Variants in ZBTB20 observed in about 807,000 individuals in gnomAD.
ZBTB20 encodes zinc finger and BTB domain containing 20.
Under a neutral mutation model 56.9 loss-of-function variants are expected in ZBTB20, and 9 were observed. The observed-to-expected ratio is 0.16, with a 90% CI of 0.10 to 0.28. The LOEUF (loss-of-function observed/expected upper bound fraction) is 0.28. ZBTB20 is among the 10% of genes least tolerant of loss of function. The pLI, the probability that ZBTB20 is intolerant of heterozygous loss-of-function variation, is 1.00. For synonymous variants in ZBTB20, 417 were observed against 420.7 expected (o/e 0.99, Z 0.11); for missense variants, 655 against 1,003.0 (o/e 0.65, Z 4.69).
At position 114,693,551 on chromosome 3, in the gene ZBTB20, A is replaced by ATC. The variant is rs1482897107; in HGVS notation, c.-320_-319dup. ...ACCAGACAGCAATGTCATGAGGAAT[A>ATC]TCCTGTTAGTAATGATGAAACATTC... On this transcript the variant is annotated 5_prime_UTR_variant, in exon 6 of 12. Transcript: ENST00000675478. The ATC allele has an allele frequency of 1.3e-5, 2 of 152,142 alleles. No individual in the cohort carries two copies. Among genetic ancestry groups the ATC allele is most frequent in the Non-Finnish European group, 2.9e-5 (2 of 68,012 alleles). The allele number at this position is 152,142 out of a possible 1,614,324, so 9.4% of individuals were successfully genotyped here.
At chr3:114,509,740 A>G (rs1022584401) in intron 6 of ZBTB20, among the ~76,000 whole-genome samples, 1 of 152,194 alleles carries the variant, frequency 6.6e-6, no homozygotes, top group Admixed American at 6.5e-5. Flanking sequence ...TTTTATTAAC[A>G]TATTTGTCAG....
intron 7 of ZBTB20, among the ~76,000 whole-genome samples, chr3:114,435,432 A>T (rs2090454901): frequency 6.6e-6 from 1 of 152,196 alleles, no homozygotes; most frequent in Non-Finnish European, 1.5e-5. Context: ...CCTAAGGTTC[A>T]GAGAAGTTAC....
intron 7 of ZBTB20, among the ~76,000 whole-genome samples, chr3:114,452,685 T>C (rs1449353466): frequency 4.6e-5 from 7 of 152,162 alleles, no homozygotes; most frequent in African/African-American, 1.2e-4. Flanking sequence ...AAAATGTATA[T>C]ATCTATATTT....
At chr3:114,830,092 T>C (rs1159709792) in intron 4 of ZBTB20, among the ~76,000 whole-genome samples, 3 of 151,894 alleles carry the variant, frequency 2.0e-5, no homozygotes, top group Non-Finnish European at 4.4e-5. Flanking sequence ...GGACCTTGCA[T>C]GTTTCATCCG....
chr3:114,563,446 G>C (rs2052348590), intron 6 of ZBTB20, among the ~76,000 whole-genome samples: 1 of 152,134 alleles, frequency 6.6e-6, no homozygotes, highest in African/African-American at 2.4e-5. Flanking sequence ...GAAGTACTTA[G>C]AATGTTTAAA....
chr3:114,989,785 T>C (rs1324807744), intron 2 of ZBTB20, among the ~76,000 whole-genome samples: 1 of 152,194 alleles, frequency 6.6e-6, no homozygotes, highest in Non-Finnish European at 1.5e-5. Flanking sequence ...CGTTGAGCAG[T>C]GGTTTGTAGT....
At chr3:114,570,902 C>T (rs573470407) in intron 6 of ZBTB20, among the ~76,000 whole-genome samples, 6 of 152,160 alleles carry the variant, frequency 3.9e-5, no homozygotes, top group African/African-American at 1.4e-4. Flanking sequence ...ATTGATCAGA[C>T]ATGGATAAGG....
intron 6 of ZBTB20, among the ~76,000 whole-genome samples, chr3:114,621,901 C>T (rs2058349542): frequency 6.6e-6 from 1 of 152,136 alleles, no homozygotes; most frequent in Non-Finnish European, 1.5e-5. Flanking sequence ...ATTCTGACTT[C>T]TTATATATTT....
chr3:114,689,495 A>G (rs1240576228), intron 6 of ZBTB20, among the ~76,000 whole-genome samples: 2 of 152,170 alleles, frequency 1.3e-5, no homozygotes, highest in African/African-American at 2.4e-5. Context: ...GAAATGTCTT[A>G]TAGCTTGAGG....
intron 11 of ZBTB20, among the ~76,000 whole-genome samples, chr3:114,344,124 G>T (rs1319268988): frequency 6.6e-6 from 1 of 152,174 alleles, no homozygotes; most frequent in Non-Finnish European, 1.5e-5. Flanking sequence ...TTCATTCCCT[G>T]GGATGTGATC....
chr3:115,042,373 A>G (rs2081176696), intron 2 of ZBTB20, among the ~76,000 whole-genome samples: 1 of 152,200 alleles, frequency 6.6e-6, no homozygotes, highest in South Asian at 2.1e-4. Context: ...TTTCCAACAC[A>G]TCAGTTCATC....
chr3:114,573,966 G>A (rs1417871449), intron 6 of ZBTB20, among the ~76,000 whole-genome samples: 1 of 152,036 alleles, frequency 6.6e-6, no homozygotes, highest in Non-Finnish European at 1.5e-5. Flanking sequence ...ACATTTGAAT[G>A]TATTCTCTTA....
At chr3:114,841,534 T>C (rs574590751) in intron 4 of ZBTB20, among the ~76,000 whole-genome samples, 24 of 152,032 alleles carry the variant, frequency 1.6e-4, no homozygotes, top group African/African-American at 5.5e-4. Context: ...TGGATGAGAG[T>C]AGTAGTTCTG....
At chr3:114,469,422 A>G (rs185559201) in intron 7 of ZBTB20, among the ~76,000 whole-genome samples, 1 of 152,122 alleles carries the variant, frequency 6.6e-6, no homozygotes, top group East Asian at 1.9e-4. Flanking sequence ...ATGATATAAA[A>G]CTCTAACCCA....
At chr3:114,461,563 C>A (rs1321425162) in intron 7 of ZBTB20, among the ~76,000 whole-genome samples, 1 of 152,170 alleles carries the variant, frequency 6.6e-6, no homozygotes, top group African/African-American at 2.4e-5. Flanking sequence ...ACTTGGGCCT[C>A]CTAAAGTGCT....
intron 7 of ZBTB20, among the ~76,000 whole-genome samples, chr3:114,415,724 G>A (rs1479163371): frequency 6.6e-6 from 1 of 152,096 alleles, no homozygotes; most frequent in African/African-American, 2.4e-5. Context: ...GGCCAAGAGA[G>A]AGCACGGGGC....
intron 7 of ZBTB20, among the ~76,000 whole-genome samples, chr3:114,442,418 A>G (rs558773422): frequency 1.3e-5 from 2 of 152,278 alleles, no homozygotes; most frequent in South Asian, 4.1e-4. Flanking sequence ...TAATATTCTC[A>G]GCAGCTGGTT....
At chr3:114,671,583 T>C (rs1386385968) in intron 6 of ZBTB20, among the ~76,000 whole-genome samples, 2 of 151,570 alleles carry the variant, frequency 1.3e-5, no homozygotes, top group Non-Finnish European at 3.0e-5. Context: ...TCCCTGCCAA[T>C]AAATAAATGC....
chr3:114,511,889 A>G (rs988145993), intron 6 of ZBTB20, among the ~76,000 whole-genome samples: 1 of 152,134 alleles, frequency 6.6e-6, no homozygotes, highest in Non-Finnish European at 1.5e-5. Flanking sequence ...CTGGTCAGAA[A>G]TATCACAGTT....
Sources: allele counts gnomAD v4.1 joint callset (sites outside exome capture counted in the v4.1 genomes callset), GRCh38; gene constraint gnomAD v4.1.1; transcripts MANE v1.5; gene names NCBI Gene and HGNC (gene_info 2026-07-23, HGNC 2026-07-21).